ELAVL2: variants seen among roughly 807,000 people sequenced by gnomAD.
The protein encoded by ELAVL2 is ELAV like RNA binding protein 2.
Under a neutral mutation model 34.6 loss-of-function variants are expected in ELAVL2, and 4 were observed. The observed-to-expected ratio is 0.12, with a 90% CI of 0.06 to 0.26. The LOEUF (loss-of-function observed/expected upper bound fraction) is 0.26, where lower values mean the gene tolerates loss of function less well. Ranked by LOEUF, ELAVL2 falls within the 10% of genes least tolerant of loss-of-function variation. ELAVL2 has a pLI of 1.00. For synonymous variants in ELAVL2, 193 were observed against 154.8 expected (o/e 1.25, Z -1.83); for missense variants, 432 against 442.8 (o/e 0.98, Z 0.22).
the ELAVL2 span, among the ~76,000 whole-genome samples, chr9:23,848,292 A>C: frequency 6.6e-6 from 1 of 152,314 alleles, no homozygotes; most frequent in African/African-American, 2.4e-5. Flanking sequence ...TAGAAGAAGG[A>C]GATTTCTCAA....
chr9:23,779,832 A>G (rs1251022633), intron 1 of ELAVL2, among the ~76,000 whole-genome samples: 1 of 152,012 alleles, frequency 6.6e-6, no homozygotes, highest in African/African-American at 2.4e-5. Context: ...AGCTAAAAAT[A>G]AAAAGCTGGA....
chr9:23,830,020 C>T (rs771708607), upstream of ELAVL2: 3 of 152,254 alleles, frequency 2.0e-5, no homozygotes, highest in Non-Finnish European at 2.9e-5. Flanking sequence ...TCGCTGTGCA[C>T]CTTCCACTGT....
intron 3 of ELAVL2, among the ~76,000 whole-genome samples, chr9:23,727,162 A>C (rs2045417533): frequency 6.6e-6 from 1 of 152,122 alleles, no homozygotes; most frequent in African/African-American, 2.4e-5. Flanking sequence ...GCTGCCTCCC[A>C]TGCAGTACAG....
intron 3 of ELAVL2, among the ~76,000 whole-genome samples, chr9:23,723,210 G>A (rs934131236): frequency 6.6e-6 from 1 of 152,076 alleles, no homozygotes; most frequent in African/African-American, 2.4e-5. Context: ...AGAAAATGTG[G>A]CACATATACA....
chr9:23,820,702 G>A (rs1265993682), intron 1 of ELAVL2, among the ~76,000 whole-genome samples: 1 of 152,148 alleles, frequency 6.6e-6, no homozygotes, highest in Admixed American at 6.5e-5. Context: ...ACCGACGCTG[G>A]CTCCCCCAGT....
chr9:23,713,674 C>T (rs1181643084), intron 3 of ELAVL2, among the ~76,000 whole-genome samples: 1 of 152,226 alleles, frequency 6.6e-6, no homozygotes, highest in East Asian at 1.9e-4. Flanking sequence ...TTTATAAATA[C>T]TAAGTAATGT....
chr9:23,793,703 A>G (rs540268980), intron 1 of ELAVL2, among the ~76,000 whole-genome samples: 1 of 152,258 alleles, frequency 6.6e-6, no homozygotes, highest in South Asian at 2.1e-4. Context: ...ACACAGTAAT[A>G]TACTAAGATT....
At position 23,690,686 on chromosome 9, in the gene ELAVL2, T is replaced by A. The variant is rs1033744172; in HGVS notation, c.*1871A>T. ...AGCAACCGCAAAGATAATGTACAAC[T>A]ATGTTATGCATAGCACATTGCCTGT... On this transcript the variant is annotated 3_prime_UTR_variant, in exon 7 of 7. Coordinates refer to ENST00000397312, the MANE Select transcript of ELAVL2 (RefSeq NM_004432.5). 2 of 152,576 alleles carry A rather than the reference T, an allele frequency of 1.3e-5. No homozygotes were observed. Among genetic ancestry groups the A allele is most frequent in the Non-Finnish European group, 2.9e-5 (2 of 68,008 alleles). The allele number at this position is 152,576 out of a possible 1,614,324, so 9.5% of individuals were successfully genotyped here. A position where few individuals can be genotyped will look rare whatever the true frequency, so the allele number is the denominator to read the frequency against.
At chr9:23,775,300 T>C (rs1273218204) in intron 1 of ELAVL2, among the ~76,000 whole-genome samples, 1 of 152,198 alleles carries the variant, frequency 6.6e-6, no homozygotes, top group Non-Finnish European at 1.5e-5. Flanking sequence ...ACGCTTGTAA[T>C]TCCAACACTT....
intron 1 of ELAVL2, among the ~76,000 whole-genome samples, chr9:23,793,579 CT>C (rs2060571108): frequency 6.6e-6 from 1 of 152,194 alleles, no homozygotes; most frequent in African/African-American, 2.4e-5. Flanking sequence ...ATCCCCTCCC[CT>C]ATCATTCCTC....
intron 2 of ELAVL2, among the ~76,000 whole-genome samples, chr9:23,757,194 T>C (rs1352034155): frequency 6.6e-6 from 1 of 152,060 alleles, no homozygotes; most frequent in Non-Finnish European, 1.5e-5. Context: ...GTCCTTACTG[T>C]CAAAAACCTT....
Position 23,692,004 on chromosome 9 carries a change from C to T in ELAVL2, c.*553G>A, listed in dbSNP as rs1207084984. 1 of 152,624 alleles carries T rather than the reference C, an allele frequency of 6.6e-6. No homozygotes were observed. Among genetic ancestry groups the T allele is most frequent in the Non-Finnish European group, 1.5e-5 (1 of 68,196 alleles). The allele number at this position is 152,624 out of a possible 1,614,324, so 9.5% of individuals were successfully genotyped here. A position where few individuals can be genotyped will look rare whatever the true frequency, so the allele number is the denominator to read the frequency against. On this transcript the variant is annotated 3_prime_UTR_variant, in exon 7 of 7. Coordinates refer to ENST00000397312, the MANE Select transcript of ELAVL2 (RefSeq NM_004432.5). ...CTTACAATAAGCGTTTATAATGTAG[C>T]CCCCCCTTCCCCAACCCAAATCATA...
At chr9:23,812,873 G>A (rs1051237026) in intron 1 of ELAVL2, among the ~76,000 whole-genome samples, 4 of 152,002 alleles carry the variant, frequency 2.6e-5, no homozygotes, top group African/African-American at 4.8e-5. Flanking sequence ...CTGATTCATC[G>A]TTATAACTGG....
chr9:23,719,292 T>C (rs1249122480), intron 3 of ELAVL2, among the ~76,000 whole-genome samples: 1 of 152,194 alleles, frequency 6.6e-6, no homozygotes, highest in African/African-American at 2.4e-5. Flanking sequence ...CGCCAAATAG[T>C]ATCCCCTTTG....
chr9:23,773,743 G>A (rs1049092374), intron 1 of ELAVL2, among the ~76,000 whole-genome samples: 1 of 152,050 alleles, frequency 6.6e-6, no homozygotes, highest in African/African-American at 2.4e-5. Flanking sequence ...TTCCACTCTA[G>A]GAAGGAAAAG....
chr9:23,797,776 A>C (rs953772426), intron 1 of ELAVL2, among the ~76,000 whole-genome samples: 3 of 152,172 alleles, frequency 2.0e-5, no homozygotes, highest in African/African-American at 7.2e-5. Flanking sequence ...TAAAAATACA[A>C]AATTAGGTGG....
At chr9:23,725,676 G>A (rs2044939963) in intron 3 of ELAVL2, among the ~76,000 whole-genome samples, 2 of 152,090 alleles carry the variant, frequency 1.3e-5, no homozygotes, top group South Asian at 2.1e-4. Flanking sequence ...GGTTGAACTA[G>A]AAACTCAAAT....
chr9:23,703,670 T>C (rs2038263369), intron 4 of ELAVL2, among the ~76,000 whole-genome samples: 1 of 152,168 alleles, frequency 6.6e-6, no homozygotes, highest in Admixed American at 6.5e-5. Flanking sequence ...TGGCTCAATT[T>C]TCTTCTGAAG....
At chr9:23,815,071 G>T (rs1367932173) in intron 1 of ELAVL2, among the ~76,000 whole-genome samples, 6 of 152,260 alleles carry the variant, frequency 3.9e-5, no homozygotes, top group African/African-American at 1.4e-4. Context: ...GGAAAAAAAT[G>T]TATTTCTATG....
Sources: allele counts gnomAD v4.1 joint callset (sites outside exome capture counted in the v4.1 genomes callset), GRCh38; gene constraint gnomAD v4.1.1; transcripts MANE v1.5; gene names NCBI Gene and HGNC (gene_info 2026-07-23, HGNC 2026-07-21).